TP73: variants seen among roughly 807,000 people sequenced by gnomAD.
TP73 encodes the protein p53-like transcription factor.
TP73 carries 25 observed loss-of-function variants against 62.5 expected under a neutral mutation model. That is an observed-to-expected ratio of 0.40 (90% CI 0.29 to 0.56). The LOEUF (loss-of-function observed/expected upper bound fraction) is 0.56. Among genes scored for constraint, TP73 ranks in the 20% least tolerant of loss-of-function variants. The pLI, the probability that TP73 is intolerant of heterozygous loss-of-function variation, is 0.46. For synonymous variants in TP73, 423 were observed against 377.5 expected (o/e 1.12, Z -1.40); for missense variants, 754 against 913.3 (o/e 0.83, Z 2.25).
chr1:3,687,692 TC>T (rs1331165002), intron 3 of TP73, among the ~76,000 whole-genome samples: 2 of 151,640 alleles, frequency 1.3e-5, no homozygotes, highest in Non-Finnish European at 2.9e-5. Flanking sequence ...TCTGCTCCGC[TC>T]CCGTCCTCTC....
intron 11 of TP73, among the ~76,000 whole-genome samples, chr1:3,730,709 G>T (rs748033220): frequency 7.1e-4 from 108 of 152,140 alleles, no homozygotes; most frequent in Non-Finnish European, 1.2e-3. Flanking sequence ...TGCCCCGTAC[G>T]CACGGTCACC....
chr1:3,660,790 C>T (rs1644972392), intron 1 of TP73, among the ~76,000 whole-genome samples: 2 of 152,208 alleles, frequency 1.3e-5, no homozygotes, highest in African/African-American at 4.8e-5. Context: ...TTCGGGAAAG[C>T]ATCAGAGCCA....
chr1:3,709,129 G>C (rs900136895), intron 4 of TP73, among the ~76,000 whole-genome samples: 1 of 152,168 alleles, frequency 6.6e-6, no homozygotes, highest in East Asian at 1.9e-4. Flanking sequence ...GGCTGGTCTG[G>C]GGTCTGGGTT....
intron 1 of TP73, among the ~76,000 whole-genome samples, chr1:3,678,041 C>T (rs1215227448): frequency 1.3e-5 from 2 of 152,190 alleles, no homozygotes; most frequent in Non-Finnish European, 2.9e-5. Context: ...GAAAAACCTA[C>T]ACTTCCAATA....
At chr1:3,682,726 T>A (rs1645553943) in intron 2 of TP73, among the ~76,000 whole-genome samples, 1 of 152,002 alleles carries the variant, frequency 6.6e-6, no homozygotes, top group Admixed American at 6.5e-5. Flanking sequence ...ACAGGGCGGG[T>A]CGGAGGGGCA....
intron 4 of TP73, among the ~76,000 whole-genome samples, chr1:3,721,540 C>T (rs1283736672): frequency 1.3e-5 from 2 of 152,252 alleles, no homozygotes; most frequent in Non-Finnish European, 2.9e-5. Context: ...CACACATTAA[C>T]CACTTGCTCT....
In TP73 at chr1:3,701,963, C is replaced by CA. The variant is rs1639206864; in HGVS notation, c.187-5586_187-5585insA. Among the ~76,000 whole-genome samples the CA allele has an allele frequency of 6.6e-6, 1 of 152,132 alleles. No homozygotes were observed. The highest frequency in any genetic ancestry group is 1.5e-5 in the Non-Finnish European group (1 of 68,030). On this transcript the variant is annotated intron_variant, in intron 3 of 13. Coordinates refer to ENST00000378295, the MANE Select transcript of TP73 (RefSeq NM_005427.4). This position sits in a 1 kb window ranked among gnomAD's most constrained non-coding sequence, Gnocchi z 4.7. ...GGCCCCCCAGGTCCCTGGGAGGTCT[C>CA]TCCTGCCCCTCTCCTGGATGGGCAG...
chr1:3,702,705 G>A (rs1322502150), intron 3 of TP73, among the ~76,000 whole-genome samples: 1 of 152,224 alleles, frequency 6.6e-6, no homozygotes, highest in East Asian at 1.9e-4. Flanking sequence ...TGGCTCTCTG[G>A]CTCCCGCGCA....
chr1:3,706,710 G>C (rs1422409359), intron 3 of TP73, among the ~76,000 whole-genome samples: 1 of 152,084 alleles, frequency 6.6e-6, no homozygotes, highest in African/African-American at 2.4e-5. Context: ...CCTCAGCTGG[G>C]GCCTCCCTTA....
chr1:3,724,984 A>G (rs1160818554), intron 6 of TP73, among the ~76,000 whole-genome samples: 1 of 151,092 alleles, frequency 6.6e-6, no homozygotes. Flanking sequence ...GCGCCATTGC[A>G]CTCCAGCCTG....
chr1:3,670,438 GTGGA>G lies in TP73; in HGVS notation c.-33-11893_-33-11890del, dbSNP rs1178965434. Among the ~76,000 whole-genome samples, 2 of 152,064 alleles carry G rather than the reference GTGGA, an allele frequency of 1.3e-5. No homozygotes were observed. Among genetic ancestry groups the G allele is most frequent in the African/African-American group, 4.8e-5 (2 of 41,386 alleles). On this transcript the variant is annotated intron_variant, in intron 1 of 13. Transcript: ENST00000378295. The surrounding 1 kb of genome is among the most constrained non-coding windows in gnomAD (Gnocchi z 5.9). ...CCAGCACTCTGGGAGGCTGAGGCGG[GTGGA>G]TCAACAGAGGTCAGGAGTTCGAGAG...
rs924052724 is a variant in TP73 at position 3,696,807 on chromosome 1, C to G, written c.187-10742C>G. Among the ~76,000 whole-genome samples, 4 of 152,124 alleles carry G rather than the reference C, an allele frequency of 2.6e-5. No individual in the cohort carries two copies. Among genetic ancestry groups the G allele is most frequent in the Admixed American group, 1.3e-4 (2 of 15,268 alleles). ...AGCCATGTGGGGCCAGGGGAGGGAC[C>G]AGTTGTCCTAACTGGAGATCCAGGG... On this transcript the variant is annotated intron_variant, in intron 3 of 13. Transcript: ENST00000378295. The surrounding 1 kb of genome is among the most constrained non-coding windows in gnomAD (Gnocchi z 4.1).
At chr1:3,723,592 A>G in intron 6 of TP73, 123 bp downstream of exon 6, 1 of 719,492 alleles carries the variant, frequency 1.4e-6, no homozygotes, top group South Asian at 1.7e-5. Context: ...TCCTGTCGGC[A>G]TCTGTCCAGG....
At chr1:3,695,957 G>A (rs1638616115) in intron 3 of TP73, among the ~76,000 whole-genome samples, 1 of 152,264 alleles carries the variant, frequency 6.6e-6, no homozygotes, top group Admixed American at 6.5e-5. Context: ...CAAGTTTTCT[G>A]CCCTGAGATT....
intron 3 of TP73, among the ~76,000 whole-genome samples, chr1:3,691,572 G>A (rs1212457950): frequency 6.6e-6 from 1 of 152,154 alleles, no homozygotes; most frequent in East Asian, 1.9e-4. Context: ...GGGAGGGAAG[G>A]GTCTGCAGCT....
chr1:3,710,980 C>G (rs1640095119), intron 4 of TP73, among the ~76,000 whole-genome samples: 1 of 152,184 alleles, frequency 6.6e-6, no homozygotes, highest in South Asian at 2.1e-4. Context: ...GAGAGTGTAA[C>G]CAGTGACCAG....
At chr1:3,677,256 G>A (rs879304809) in intron 1 of TP73, among the ~76,000 whole-genome samples, 2 of 152,166 alleles carry the variant, frequency 1.3e-5, no homozygotes, top group African/African-American at 2.4e-5. Flanking sequence ...AGCGGCCCCT[G>A]GAGTTGAGGA....
intron 1 of TP73, among the ~76,000 whole-genome samples, chr1:3,653,006 GGGGTGCGGGGCGC>G (rs1644789116): frequency 1.3e-5 from 2 of 152,030 alleles, no homozygotes; most frequent in South Asian, 4.1e-4. Flanking sequence ...GGAAGAGGCC[GGGGTGCGGGGCGC>G]GGGTGCAGGT....
chr1:3,668,153 G>A (rs1645162205), intron 1 of TP73, among the ~76,000 whole-genome samples: 1 of 152,210 alleles, frequency 6.6e-6, no homozygotes, highest in Non-Finnish European at 1.5e-5. Context: ...CTAGGGGTGG[G>A]GGAGGAGGAG....
Sources: gnomAD v4.1 joint callset for allele counts (sites outside exome capture counted in the v4.1 genomes callset) on GRCh38, gnomAD v4.1.1 for gene constraint, Gnocchi (gnomAD v3.1) non-coding constraint, MANE v1.5 for transcripts, NCBI Gene and HGNC (gene_info 2026-07-23, HGNC 2026-07-21) for gene names.